Variants in ELAVL3 observed in about 807,000 individuals in gnomAD.
The protein encoded by ELAVL3 is ELAV like RNA binding protein 3.
Under a neutral mutation model 34.2 loss-of-function variants are expected in ELAVL3, and 8 were observed. That is an observed-to-expected ratio of 0.23 (90% CI 0.14 to 0.42). The LOEUF (loss-of-function observed/expected upper bound fraction) is 0.42. ELAVL3 is among the 10% of genes least tolerant of loss of function. The pLI, the probability that ELAVL3 is intolerant of heterozygous loss-of-function variation, is 1.00. For synonymous variants in ELAVL3, 209 were observed against 222.1 expected (o/e 0.94, Z 0.53); for missense variants, 273 against 518.8 (o/e 0.53, Z 4.60).
intron 1 of ELAVL3, among the ~76,000 whole-genome samples, chr19:11,471,379 C>T (rs1055372228): frequency 8.6e-5 from 13 of 150,712 alleles, no homozygotes; most frequent in Non-Finnish European, 1.8e-4. Flanking sequence ...CTTTGGGAGG[C>T]CGAGGCGGGT....
At chr19:11,464,655 G>GACACACACAT (rs373169498) in intron 3 of ELAVL3, among the ~76,000 whole-genome samples, 2,438 of 57,980 alleles carry the variant, frequency 0.042, 80 homozygotes, top group African/African-American at 0.15. Context: ...ACACATACAT[G>GACACACACAT]ACACACACAT....
chr19:11,467,732 C>A lies in ELAVL3; in HGVS notation c.10-905G>T, dbSNP rs188450268. On this transcript the variant is annotated intron_variant, in intron 1 of 6. Coordinates refer to ENST00000359227, the MANE Select transcript of ELAVL3 (RefSeq NM_001420.4). ...CTCCTGACCTCAGGTAATCCACCCA[C>A]CTCCGCCTCCCAATGTGCTGGGATT... is the stretch of plus-strand genomic sequence containing the variant. Among the ~76,000 whole-genome samples the A allele has an allele frequency of 3.3e-3, 505 of 152,128 alleles. 5 individuals are homozygous for A. The highest frequency in any genetic ancestry group is 0.012 in the African/African-American group (478 of 41,506).
At chr19:11,462,998 C>G (rs1970924062) in intron 3 of ELAVL3, among the ~76,000 whole-genome samples, 4 of 150,894 alleles carry the variant, frequency 2.7e-5, no homozygotes, top group Admixed American at 1.3e-4. Flanking sequence ...GAAATCATGT[C>G]AATGTATTTG....
At chr19:11,473,508 C>T (rs903576686) in intron 1 of ELAVL3, among the ~76,000 whole-genome samples, 6 of 152,242 alleles carry the variant, frequency 3.9e-5, no homozygotes, top group African/African-American at 1.4e-4. Flanking sequence ...TCTCAACCAT[C>T]CCTGACTCAA....
At position 11,454,466 on chromosome 19, in the gene ELAVL3, TCTTTCTC is replaced by T; in HGVS notation, c.*53_*59del. The T allele has an allele frequency of 7.7e-7, 1 of 1,303,452 alleles. No homozygotes were observed. The highest frequency in any genetic ancestry group is 1.5e-5 in the South Asian group (1 of 65,900). The allele number at this position is 1,303,452 out of a possible 1,614,324, so 80.7% of individuals were successfully genotyped here. A position where few individuals can be genotyped will look rare whatever the true frequency, so the allele number is the denominator to read the frequency against. On this transcript the variant is annotated 3_prime_UTR_variant, in exon 7 of 7. Transcript: ENST00000359227. This position sits in a 1 kb window ranked among gnomAD's most constrained non-coding sequence, Gnocchi z 9.2. ...TGGGCCCCTTCTCTCTCTCTCTCTC[TCTTTCTC>T]TCTCTCTCTCTCTGCTGCCCGGGGA...
rs578247953 is a variant in ELAVL3, at chr19:11,451,613, C to G, written c.*2913G>C. On this transcript the variant is annotated 3_prime_UTR_variant, in exon 7 of 7. Transcript: ENST00000359227. ...GAGGGGTGGAGGGGCTGAGCCCCCT[C>G]CCCCCTGGCCTGGCCCCTGCCCCCC... is the stretch of plus-strand genomic sequence containing the variant. 1 of 151,520 alleles carries G rather than the reference C, an allele frequency of 6.6e-6. No individual in the cohort carries two copies. Among genetic ancestry groups the G allele is most frequent in the South Asian group, 2.1e-4 (1 of 4,804 alleles). The allele number at this position is 151,520 out of a possible 1,614,324, so 9.4% of individuals were successfully genotyped here.
intron 1 of ELAVL3, among the ~76,000 whole-genome samples, chr19:11,470,867 A>G (rs1321291157): frequency 6.6e-6 from 1 of 152,042 alleles, no homozygotes; most frequent in Middle Eastern, 3.2e-3. Context: ...TTTTTTAGAG[A>G]CAGGATCTTG....
chr19:11,464,212 G>A (rs1424242750), intron 3 of ELAVL3, among the ~76,000 whole-genome samples: 2 of 87,680 alleles, frequency 2.3e-5, no homozygotes, highest in Admixed American at 2.6e-4. Context: ...GCCGAGGCTG[G>A]AGTGCAGTGG....
intron 3 of ELAVL3, among the ~76,000 whole-genome samples, chr19:11,465,004 C>T (rs1475448383): frequency 7.8e-6 from 1 of 128,116 alleles, no homozygotes; most frequent in African/African-American, 3.1e-5. Context: ...ACACACCACA[C>T]ACACATACAT....
Position 11,452,545 on chromosome 19 carries a change from C to T in ELAVL3, c.*1981G>A, listed in dbSNP as rs1212914682. ...TCTTTTTTTGTTGCTTTTTTTTCCT[C>T]TTCTGTTTGTGTTTTTTTGTCGCTT... On this transcript the variant is annotated 3_prime_UTR_variant, in exon 7 of 7. Transcript: ENST00000359227. The T allele has an allele frequency of 2.8e-5, 3 of 106,230 alleles. No homozygotes were observed. The highest frequency in any genetic ancestry group is 5.9e-5 in the Non-Finnish European group (3 of 50,682). The allele number at this position is 106,230 out of a possible 1,614,324, so 6.6% of individuals were successfully genotyped here.
intron 3 of ELAVL3, among the ~76,000 whole-genome samples, chr19:11,460,388 C>G (rs765208137): frequency 6.6e-6 from 1 of 151,080 alleles, no homozygotes; most frequent in African/African-American, 2.4e-5. Context: ...CAGAGGGCGC[C>G]TGTGAACACC....
At position 11,457,095 on chromosome 19, in the gene ELAVL3, C is replaced by T. The variant is rs776016537; in HGVS notation, c.752+15G>A. On this transcript the variant is annotated intron_variant, in intron 6 of 6. Transcript: ENST00000359227. ...ATGGTGAGGGGTGGGGACAGTGGGG[C>T]GGGGTCACTGTTACCTCTTGACGCC... The T allele has an allele frequency of 5.4e-5, 61 of 1,125,466 alleles. No homozygotes were observed. Among genetic ancestry groups the T allele is most frequent in the Non-Finnish European group, 6.7e-5 (57 of 846,022 alleles). The allele number at this position is 1,125,466 out of a possible 1,614,324, so 69.7% of individuals were successfully genotyped here.
At chr19:11,465,642 C>G (rs1318906035) in intron 3 of ELAVL3, among the ~76,000 whole-genome samples, 1 of 152,042 alleles carries the variant, frequency 6.6e-6, no homozygotes, top group Admixed American at 6.5e-5. Flanking sequence ...CAGGGCGGAG[C>G]CCAAACACCC....
Position 11,454,407 on chromosome 19 carries a change from G to C in ELAVL3, c.*119C>G, listed in dbSNP as rs1233831144. On this transcript the variant is annotated 3_prime_UTR_variant, in exon 7 of 7. Coordinates refer to ENST00000359227, the MANE Select transcript of ELAVL3 (RefSeq NM_001420.4). The surrounding 1 kb of genome is among the most constrained non-coding windows in gnomAD (Gnocchi z 9.2). The stretch of plus-strand genomic sequence containing the variant: ...GCTTCCGCAGGGACGTGGGGCCCTC[G>C]CGTCGTCCGTGGGGCTGCCTGTGCT... 3.9e-6 allele frequency: 4 copies of C among 1,020,092 alleles called. No individual in the cohort carries two copies. Among genetic ancestry groups the C allele is most frequent in the Non-Finnish European group, 5.6e-6 (4 of 718,264 alleles). The allele number at this position is 1,020,092 out of a possible 1,614,324, so 63.2% of individuals were successfully genotyped here.
intron 3 of ELAVL3, among the ~76,000 whole-genome samples, chr19:11,460,453 T>A (rs1970860688): frequency 6.6e-6 from 1 of 151,290 alleles, no homozygotes; most frequent in South Asian, 2.1e-4. Flanking sequence ...CCCACCTTCC[T>A]CAGCAGAAAA....
chr19:11,458,951 CTT>C lies in ELAVL3; in HGVS notation c.334-342_334-341del, dbSNP rs879918184. Among the ~76,000 whole-genome samples the C allele has an allele frequency of 8.0e-5, 11 of 138,082 alleles. No individual in the cohort carries two copies. The highest frequency in any genetic ancestry group is 7.7e-5 in the Non-Finnish European group (5 of 64,824). 90.6% of individuals were successfully genotyped at this position (138,082 alleles called of 152,430 possible). A position where few individuals can be genotyped will look rare whatever the true frequency, so the allele number is the denominator to read the frequency against. Reference sequence around the variant, plus strand: ...TGACAGTCCATCAACAAACATTGACCTTTTTTTTTTTTTAAAGACAGGATCTC... The same window carrying C: ...TGACAGTCCATCAACAAACATTGACCTTTTTTTTTTTAAAGACAGGATCTC... On this transcript the variant is annotated intron_variant, in intron 3 of 6. Transcript: ENST00000359227. This position sits in a 1 kb window ranked among gnomAD's most constrained non-coding sequence, Gnocchi z 7.3.
chr19:11,473,235 G>A (rs1430418035), intron 1 of ELAVL3, among the ~76,000 whole-genome samples: 1 of 151,796 alleles, frequency 6.6e-6, no homozygotes, highest in Non-Finnish European at 1.5e-5. Flanking sequence ...CATGGTGGCG[G>A]GCGCCTGTAG....
Position 11,466,074 on chromosome 19 carries a change from T to G in ELAVL3, c.333+98A>C, listed in dbSNP as rs1971046578. On this transcript the variant is annotated intron_variant, in intron 3 of 6. Coordinates refer to ENST00000359227, the MANE Select transcript of ELAVL3 (RefSeq NM_001420.4). This position sits in a 1 kb window ranked among gnomAD's most constrained non-coding sequence, Gnocchi z 5.0. ...TCTGGGGATGAGTCCTGAAAGGCAG[T>G]GGACATGGATGCATGGGGGCGGGTA... 9.4e-7 allele frequency: 1 copy of G among 1,063,888 alleles called. No individual in the cohort carries two copies. The highest frequency in any genetic ancestry group is 2.0e-5 in the Admixed American group (1 of 49,304). The allele number at this position is 1,063,888 out of a possible 1,614,324, so 65.9% of individuals were successfully genotyped here.
chr19:11,475,495 G>C (rs1414877448), intron 1 of ELAVL3, among the ~76,000 whole-genome samples: 1 of 151,802 alleles, frequency 6.6e-6, no homozygotes, highest in Non-Finnish European at 1.5e-5. Context: ...GTAGAGATGG[G>C]ATCTTGCTAT....
Sources: gnomAD v4.1 joint callset for allele counts (sites outside exome capture counted in the v4.1 genomes callset) on GRCh38, gnomAD v4.1.1 for gene constraint, Gnocchi (gnomAD v3.1) non-coding constraint, MANE v1.5 for transcripts, NCBI Gene and HGNC (gene_info 2026-07-23, HGNC 2026-07-21) for gene names.